Variants in CUBN observed in about 807,000 individuals in gnomAD.
CUBN encodes the protein 460 kDa receptor.
In CUBN, 282 loss-of-function variants were observed where a neutral mutation model predicts 405.3. The observed-to-expected ratio is 0.70, with a 90% CI of 0.63 to 0.77. The LOEUF (loss-of-function observed/expected upper bound fraction) is 0.77, where lower values mean the gene tolerates loss of function less well. Among genes scored for constraint, CUBN ranks in the 30% least tolerant of loss-of-function variants. The pLI is 0.00. For missense variants in CUBN, 4,514 were observed against 4,475.2 expected (o/e 1.01, Z -0.25); for synonymous variants, 1,684 against 1,617.0 (o/e 1.04, Z -0.99).
intron 53 of CUBN, 115 bp from the exon 54 acceptor site, chr10:16,899,298 C>G: frequency 1.2e-6 from 1 of 819,796 alleles, no homozygotes; most frequent in Non-Finnish European, 2.1e-6. Context: ...TCATTTTTTA[C>G]AAGTGATCAT....
intron 62 of CUBN, among the ~76,000 whole-genome samples, chr10:16,838,354 A>T (rs12254488): frequency 0.23 from 35,034 of 152,060 alleles, 4,369 homozygotes; most frequent in East Asian, 0.51. Context: ...TGACCATGAC[A>T]TTTTACTGGA....
chr10:16,990,128 C>T (rs1833538879), intron 29 of CUBN, among the ~76,000 whole-genome samples: 2 of 152,246 alleles, frequency 1.3e-5, no homozygotes, highest in African/African-American at 2.4e-5. Flanking sequence ...TCAGCTGCTG[C>T]AAGGCCCTCA....
Position 17,127,855 on chromosome 10 carries a change from T to C in CUBN, c.322A>G (p.Ser108Gly), listed in dbSNP as rs1564526263. ...SAIGLPQNIS[S>G]QIYQLNSKLV... ...TTGGAATTAAGCTGATAGATTTGAC[T>C]AGATATATTTTGAGGCAGACCAATT... Residue 108 changes from serine to glycine, a missense_variant, in exon 3 of 67, where the codon AGT (serine) becomes GGT (glycine). By Grantham distance (56) the Ser-to-Gly change is moderately conservative. This residue lies in a region of CUBN where 1,448 missense variants were observed against 1,388.0 expected (regional missense o/e 1.04). Coordinates refer to ENST00000377833, the MANE Select transcript of CUBN (RefSeq NM_001081.4). 9.3e-6 allele frequency: 15 copies of C among 1,612,774 alleles called. No homozygotes were observed. The highest frequency in any genetic ancestry group is 1.3e-5 in the African/African-American group (1 of 75,036).
At chr10:16,854,133 G>A (rs1237583672) in intron 59 of CUBN, among the ~76,000 whole-genome samples, 1 of 152,176 alleles carries the variant, frequency 6.6e-6, no homozygotes, top group African/African-American at 2.4e-5. Context: ...TTGGATCTGG[G>A]TCTTGAAGCA....
chr10:16,900,473 A>G, intron 53 of CUBN, 152 bp downstream of exon 53: 1 of 701,796 alleles, frequency 1.4e-6, no homozygotes, highest in Admixed American at 2.1e-5. Flanking sequence ...AGGTATTGAT[A>G]TTGTGTTATC....
chr10:16,983,080 C>T (rs1020550346), intron 30 of CUBN, among the ~76,000 whole-genome samples: 6 of 151,858 alleles, frequency 4.0e-5, no homozygotes, highest in Admixed American at 6.6e-5. Context: ...ATTTAATATT[C>T]GGATATAGTA....
chr10:17,030,441 A>T (rs1834764431), intron 27 of CUBN, among the ~76,000 whole-genome samples: 1 of 152,164 alleles, frequency 6.6e-6, no homozygotes, highest in East Asian at 1.9e-4. Context: ...CACTTATTCC[A>T]TGCTGGTCAT....
At chr10:17,013,959 G>C (rs1029578351) in intron 28 of CUBN, among the ~76,000 whole-genome samples, 1 of 152,206 alleles carries the variant, frequency 6.6e-6, no homozygotes, top group Non-Finnish European at 1.5e-5. Flanking sequence ...TGGCAGTCAT[G>C]CTCAATTGGT....
At chr10:17,022,577 G>T (rs1192116545) in intron 27 of CUBN, among the ~76,000 whole-genome samples, 1 of 152,134 alleles carries the variant, frequency 6.6e-6, no homozygotes, top group African/African-American at 2.4e-5. Context: ...TCACCTTAGC[G>T]TTCAGTCCCA....
chr10:16,851,635 C>T (rs1439432105), intron 59 of CUBN, among the ~76,000 whole-genome samples, 192 bp from the exon 60 acceptor site: 6 of 148,418 alleles, frequency 4.0e-5, no homozygotes, highest in African/African-American at 1.5e-4. Context: ...CCCCACCCGC[C>T]CCATCTCTCC....
intron 31 of CUBN, among the ~76,000 whole-genome samples, chr10:16,977,628 C>A (rs963904698): frequency 3.3e-5 from 5 of 152,130 alleles, no homozygotes; most frequent in African/African-American, 1.2e-4. Context: ...TCCTGGACAC[C>A]AAACAAGAAG....
chr10:17,063,162 C>A (rs1344527647), intron 22 of CUBN, among the ~76,000 whole-genome samples: 1 of 152,204 alleles, frequency 6.6e-6, no homozygotes. Context: ...GAGAGCCGAT[C>A]TCTCAGGTCT....
chr10:17,114,288 G>A (rs761337758), intron 7 of CUBN, 99 bp from the exon 8 acceptor site: 208 of 1,234,676 alleles, frequency 1.7e-4, no homozygotes, highest in Non-Finnish European at 2.1e-4. Flanking sequence ...ATCCTCTAAC[G>A]TTCATTTCCA....
chr10:16,900,509 CAT>C, intron 53 of CUBN, 114 bp downstream of exon 53: 3 of 826,948 alleles, frequency 3.6e-6, no homozygotes, highest in Non-Finnish European at 6.2e-6. Context: ...CATGAGATGA[CAT>C]GTGCAAATAT....
intron 36 of CUBN, among the ~76,000 whole-genome samples, chr10:16,944,245 G>A (rs1842724147): frequency 6.6e-6 from 1 of 152,150 alleles, no homozygotes; most frequent in East Asian, 1.9e-4. Flanking sequence ...TACCTTCTGA[G>A]GAAAATGATC....
At chr10:17,064,706 G>A (rs1203067390) in intron 22 of CUBN, among the ~76,000 whole-genome samples, 1 of 152,092 alleles carries the variant, frequency 6.6e-6, no homozygotes, top group Non-Finnish European at 1.5e-5. Context: ...CCCATGCACA[G>A]GCTCTTGGGG....
chr10:16,952,912 G>C (rs1842956744), intron 32 of CUBN, among the ~76,000 whole-genome samples: 1 of 152,172 alleles, frequency 6.6e-6, no homozygotes, highest in Non-Finnish European at 1.5e-5. Context: ...AGGACTTGGA[G>C]GGTGAGAAAA....
chr10:16,957,159 A>G (rs921757091), intron 31 of CUBN, among the ~76,000 whole-genome samples: 77 of 152,076 alleles, frequency 5.1e-4, no homozygotes, highest in Non-Finnish European at 1.9e-4. Context: ...GTAATTGTAT[A>G]CCCTTTGACA....
chr10:17,089,563 C>T lies in CUBN; in HGVS notation c.1766-1218G>A, dbSNP rs80113473. The stretch of plus-strand genomic sequence containing the variant: ...TTAATTGAGATGCCATTTCTTACCC[C>T]TCAGAATGTTAAAAATGCAGAGTTT... On this transcript the variant is annotated intron_variant, in intron 14 of 66. Transcript: ENST00000377833. Among the ~76,000 whole-genome samples the T allele has an allele frequency of 8.7e-3, 1,324 of 152,270 alleles. 13 individuals carry two copies. The highest frequency in any genetic ancestry group is 0.017 in the Admixed American group (258 of 15,302).
Sources: allele counts gnomAD v4.1 joint callset (sites outside exome capture counted in the v4.1 genomes callset), GRCh38; gene constraint gnomAD v4.1.1; regional missense constraint gnomAD v4.1.1; transcripts MANE v1.5; gene names NCBI Gene and HGNC (gene_info 2026-07-23, HGNC 2026-07-21).